ACADSB: variants seen among roughly 807,000 people sequenced by gnomAD.
ACADSB encodes acyl-CoA dehydrogenase short/branched chain, also known as short/branched chain specific acyl-CoA dehydrogenase, mitochondrial.
Under a neutral mutation model 54.1 loss-of-function variants are expected in ACADSB, and 40 were observed. The observed-to-expected ratio is 0.74, with a 90% CI of 0.57 to 0.96. The LOEUF is 0.96. ACADSB is among the 40% of genes least tolerant of loss of function. ACADSB has a pLI of 0.00. For missense variants in ACADSB, 530 were observed against 510.4 expected (o/e 1.04, Z -0.37); for synonymous variants, 182 against 182.8 (o/e 1.00, Z 0.03).
intron 1 of ACADSB, among the ~76,000 whole-genome samples, chr10:123,028,175 A>G (rs1057185365): frequency 6.6e-6 from 1 of 152,210 alleles, no homozygotes; most frequent in Non-Finnish European, 1.5e-5. Context: ...GGGAGGCTAC[A>G]CACTGATTTA....
intron 1 of ACADSB, among the ~76,000 whole-genome samples, chr10:123,021,144 G>T (rs1343520372): frequency 4.6e-5 from 7 of 152,174 alleles, no homozygotes; most frequent in Non-Finnish European, 7.4e-5. Flanking sequence ...TGAAAATTGT[G>T]TTCAAGGGAG....
chr10:123,053,655 G>A (rs373636187), intron 10 of ACADSB, 40 bp from the exon 11 acceptor site: 32 of 1,554,454 alleles, frequency 2.1e-5, no homozygotes, highest in Middle Eastern at 3.4e-4. Flanking sequence ...TTAACCATGC[G>A]CCAACTCCTC....
intron 1 of ACADSB, among the ~76,000 whole-genome samples, chr10:123,020,105 AG>A (rs1850164797): frequency 6.6e-6 from 1 of 152,314 alleles, no homozygotes; most frequent in East Asian, 1.9e-4. Context: ...ATGCATAATG[AG>A]CAAGTACCTG....
intron 6 of ACADSB, 79 bp downstream of exon 6, chr10:123,043,250 G>A: frequency 3.2e-6 from 5 of 1,571,888 alleles, no homozygotes; most frequent in Non-Finnish European, 4.4e-6. Context: ...TGCAAGACAG[G>A]TGTCAAAATA....
In ACADSB at chr10:123,057,868, T is replaced by C. The variant is rs1850728153; in HGVS notation, c.*4103T>C. The C allele has an allele frequency of 6.6e-6, 1 of 152,242 alleles. No individual in the cohort carries two copies. The highest frequency in any genetic ancestry group is 1.5e-5 in the Non-Finnish European group (1 of 68,038). The allele number at this position is 152,242 out of a possible 1,614,324, so 9.4% of individuals were successfully genotyped here. ...GACAAGAATTAGTCCCCAAATTCAG[T>C]GTTCTTCCTAGTATTAAACATTGCC... On this transcript the variant is annotated 3_prime_UTR_variant, in exon 11 of 11. Coordinates refer to ENST00000358776, the MANE Select transcript of ACADSB (RefSeq NM_001609.4).
intron 1 of ACADSB, among the ~76,000 whole-genome samples, chr10:123,021,939 A>T (rs557330502): frequency 7.4e-4 from 112 of 152,248 alleles, no homozygotes; most frequent in Middle Eastern, 3.4e-3. Context: ...AGGGCCTCTC[A>T]TGTGTGCATT....
At chr10:123,013,100 A>C (rs9423310) in intron 1 of ACADSB, among the ~76,000 whole-genome samples, 85,755 of 150,004 alleles carry the variant, frequency 0.57, 26,012 homozygotes, top group Non-Finnish European at 0.69. Context: ...ATTTACAATC[A>C]CTTAGCTAGA....
intron 1 of ACADSB, among the ~76,000 whole-genome samples, chr10:123,024,022 C>A (rs1000589607): frequency 6.6e-6 from 1 of 152,180 alleles, no homozygotes; most frequent in South Asian, 2.1e-4. Context: ...GGCACCAATC[C>A]CACTTTGCAT....
chr10:123,042,457 C>CTTTT (rs60480402), intron 5 of ACADSB, among the ~76,000 whole-genome samples: 33 of 115,780 alleles, frequency 2.9e-4, no homozygotes, highest in South Asian at 5.4e-4. Context: ...ATTGTTAAAA[C>CTTTT]TTTTTTTTTT....
rs1265517007 is a variant in ACADSB at position 123,054,497 on chromosome 10, A to G, written c.*732A>G. 1 of 152,212 alleles carries G rather than the reference A, an allele frequency of 6.6e-6. No individual in the cohort carries two copies. The highest frequency in any genetic ancestry group is 1.5e-5 in the Non-Finnish European group (1 of 68,036). The allele number at this position is 152,212 out of a possible 1,614,324, so 9.4% of individuals were successfully genotyped here. A position where few individuals can be genotyped will look rare whatever the true frequency, so the allele number is the denominator to read the frequency against. On this transcript the variant is annotated 3_prime_UTR_variant, in exon 11 of 11. Coordinates refer to ENST00000358776, the MANE Select transcript of ACADSB (RefSeq NM_001609.4). ...ACATAGTAGGCAATTTTTATCCAGTACTTTATAGATTCAACTCTAAGTTGC... is the reference window on the plus strand; with the variant it reads ...ACATAGTAGGCAATTTTTATCCAGTGCTTTATAGATTCAACTCTAAGTTGC...
chr10:123,042,185 C>G (rs1850484035), intron 5 of ACADSB, among the ~76,000 whole-genome samples: 1 of 151,948 alleles, frequency 6.6e-6, no homozygotes, highest in Non-Finnish European at 1.5e-5. Flanking sequence ...AGGCTGGTCT[C>G]AAACTCCTGA....
chr10:123,017,501 AG>A (rs1850123126), intron 1 of ACADSB, among the ~76,000 whole-genome samples: 1 of 152,156 alleles, frequency 6.6e-6, no homozygotes, highest in African/African-American at 2.4e-5. Context: ...TATTTTTAGT[AG>A]AGACAGGATT....
At chr10:123,011,055 T>C (rs970623858) in intron 1 of ACADSB, among the ~76,000 whole-genome samples, 5 of 152,066 alleles carry the variant, frequency 3.3e-5, no homozygotes, top group African/African-American at 1.2e-4. Context: ...TCCTTTTGGA[T>C]TGTTAGGAGC....
At chr10:123,038,550 A>G (rs1306722860) in intron 3 of ACADSB, among the ~76,000 whole-genome samples, 2 of 152,200 alleles carry the variant, frequency 1.3e-5, no homozygotes, top group South Asian at 2.1e-4. Flanking sequence ...CACTGCACGC[A>G]TCATTTCTCA....
Position 123,056,955 on chromosome 10 carries a change from T to C in ACADSB, c.*3190T>C, listed in dbSNP as rs1171696666. 1.3e-5 allele frequency: 2 copies of C among 152,660 alleles called. No individual in the cohort carries two copies. The highest frequency in any genetic ancestry group is 2.9e-5 in the Non-Finnish European group (2 of 68,032). The allele number at this position is 152,660 out of a possible 1,614,324, so 9.5% of individuals were successfully genotyped here. On this transcript the variant is annotated 3_prime_UTR_variant, in exon 11 of 11. Coordinates refer to ENST00000358776, the MANE Select transcript of ACADSB (RefSeq NM_001609.4). ...ACCTTGAATCCGAAGAGATAAAGCTTACTTGACTTTCAAATGGAGAGATGA... is the reference window on the plus strand; with the variant it reads ...ACCTTGAATCCGAAGAGATAAAGCTCACTTGACTTTCAAATGGAGAGATGA...
chr10:123,040,626 CAGA>C lies in ACADSB; in HGVS notation c.469_471del (p.Glu157del), dbSNP rs1564751463. The C allele has an allele frequency of 6.2e-7, 1 of 1,614,046 alleles. No homozygotes were observed. Among genetic ancestry groups the C allele is most frequent in the East Asian group, 2.2e-5 (1 of 44,862 alleles). ...AACACACTGATTAGAAAACATGGAA[CAGA>C]AGAACAAAAGGCCACCTATTTGCCT... On this transcript the variant is annotated inframe_deletion, in exon 4 of 11. Transcript: ENST00000358776.
intron 8 of ACADSB, among the ~76,000 whole-genome samples, chr10:123,048,951 C>T (rs1030938390): frequency 5.9e-5 from 9 of 152,114 alleles, no homozygotes; most frequent in Non-Finnish European, 1.0e-4. Context: ...CTCCTGACCT[C>T]GTGATCTGCC....
intron 1 of ACADSB, among the ~76,000 whole-genome samples, chr10:123,013,400 C>G (rs1850065597): frequency 1.3e-5 from 2 of 152,278 alleles, no homozygotes; most frequent in African/African-American, 4.8e-5. Context: ...CACAAAGGTT[C>G]TCCAAGTCCC....
intron 1 of ACADSB, among the ~76,000 whole-genome samples, chr10:123,014,575 G>T (rs770520019): frequency 6.6e-6 from 1 of 152,204 alleles, no homozygotes; most frequent in Non-Finnish European, 1.5e-5. Flanking sequence ...ATTGCCTTAC[G>T]CAAAGTACAC....
Sources: gnomAD v4.1 joint callset for allele counts (sites outside exome capture counted in the v4.1 genomes callset) on GRCh38, gnomAD v4.1.1 for gene constraint, MANE v1.5 for transcripts, NCBI Gene and HGNC (gene_info 2026-07-23, HGNC 2026-07-21) for gene names.